The following PLSCR2 variants were observed in gnomAD, a reference collection of about 807,000 sequenced individuals.
PLSCR2 encodes PL scramblase 2.
PLSCR2 carries 18 observed loss-of-function variants against 25.3 expected under a neutral mutation model. The ratio of observed to expected loss-of-function variants is 0.71; its 90% CI spans 0.49 to 1.06. The LOEUF is 1.06. Among genes scored for constraint, PLSCR2 ranks in the 50% least tolerant of loss-of-function variants. The probability of loss-of-function intolerance (pLI) is 0.00; values close to 1 mark genes in which losing one functional copy is unlikely to be tolerated. For missense variants in PLSCR2, 243 were observed against 269.5 expected (o/e 0.90, Z 0.69); for synonymous variants, 88 against 87.3 (o/e 1.01, Z -0.04).
intron 5 of PLSCR2, among the ~76,000 whole-genome samples, chr3:146,451,107 C>CTTTTTTT (rs58373001): frequency 2.5e-5 from 2 of 79,478 alleles, no homozygotes; most frequent in African/African-American, 4.8e-5. Flanking sequence ...ATTAAGTTTT[C>CTTTTTTT]TTTTTTTTTT....
intron 1 of PLSCR2, among the ~76,000 whole-genome samples, chr3:146,485,657 C>T (rs895295062): frequency 6.6e-6 from 1 of 152,138 alleles, no homozygotes; most frequent in African/African-American, 2.4e-5. Context: ...TCACTCAAAA[C>T]CATACAGCTA....
At chr3:146,439,036 C>T (rs2040066068), downstream of PLSCR2, among the ~76,000 whole-genome samples, 1 of 152,180 alleles carries the variant, frequency 6.6e-6, no homozygotes, top group African/African-American at 2.4e-5. Flanking sequence ...ACTTATGAAG[C>T]TTAATTTGGC....
intron 3 of PLSCR2, among the ~76,000 whole-genome samples, chr3:146,393,990 T>A (rs2038187436): frequency 6.6e-6 from 1 of 152,088 alleles, no homozygotes; most frequent in Non-Finnish European, 1.5e-5. Flanking sequence ...TGTCTCTATA[T>A]TTTGAAGTTA....
intron 3 of PLSCR2, among the ~76,000 whole-genome samples, chr3:146,393,777 G>A (rs1314133706): frequency 7.4e-6 from 1 of 134,354 alleles, no homozygotes; most frequent in Non-Finnish European, 1.5e-5. Flanking sequence ...CCACTGCACT[G>A]CACTCCAGCC....
chr3:146,451,143 T>TTGCTCTTG (rs2040870128), intron 5 of PLSCR2, among the ~76,000 whole-genome samples: 1 of 147,394 alleles, frequency 6.8e-6, no homozygotes, highest in Non-Finnish European at 1.5e-5. Context: ...AGACGAAGTC[T>TTGCTCTTG]TGCTCTTGTC....
In PLSCR2 at chr3:146,441,774, ACT is replaced by A. The variant is rs765309209; in HGVS notation, c.*16_*17del. On this transcript the variant is annotated 3_prime_UTR_variant, in exon 7 of 7. Transcript: ENST00000610787. The stretch of plus-strand genomic sequence containing the variant: ...GAGACTTACATTAATCCACTCCCAC[ACT>A]CTGACATTCCAGTCATTACCTAGTT... 6.3e-6 allele frequency: 10 copies of A among 1,576,760 alleles called. No individual in the cohort carries two copies. The African/African-American group carries it at 1.4e-4, about 21-fold the overall frequency.
chr3:146,466,019 T>G (rs2041847398), intron 1 of PLSCR2, among the ~76,000 whole-genome samples: 3 of 152,166 alleles, frequency 2.0e-5, no homozygotes, highest in Admixed American at 2.0e-4. Context: ...GGTATGAGAT[T>G]GAAGTAGGGT....
At chr3:146,463,562 C>T (rs770001031), upstream of PLSCR2, among the ~76,000 whole-genome samples, 4 of 152,186 alleles carry the variant, frequency 2.6e-5, no homozygotes, top group Non-Finnish European at 5.9e-5. Context: ...GCTATCCAGT[C>T]ACTGTTTTCT....
intron 2 of PLSCR2, among the ~76,000 whole-genome samples, chr3:146,412,422 C>T (rs1395540750): frequency 6.6e-6 from 1 of 152,130 alleles, no homozygotes; most frequent in East Asian, 1.9e-4. Flanking sequence ...TTGCTCTGCA[C>T]ATCTGAAGAC....
intron 2 of PLSCR2, among the ~76,000 whole-genome samples, chr3:146,428,202 T>C (rs1198433504): frequency 3.3e-5 from 5 of 152,260 alleles, no homozygotes; most frequent in African/African-American, 1.2e-4. Flanking sequence ...GGATTATCTC[T>C]GAATTACTAC....
intron 1 of PLSCR2, among the ~76,000 whole-genome samples, chr3:146,471,339 C>T (rs1047030821): frequency 1.3e-5 from 2 of 152,112 alleles, no homozygotes; most frequent in African/African-American, 2.4e-5. Flanking sequence ...CTAAATGTTT[C>T]CTACTGTGAA....
chr3:146,464,093 A>G (rs560458464), upstream of PLSCR2: 2 of 318,080 alleles, frequency 6.3e-6, no homozygotes, highest in South Asian at 1.2e-4. Flanking sequence ...TCAGAAATCA[A>G]TGCTGTGGAC....
chr3:146,427,598 G>A lies in PLSCR2; in HGVS notation c.100+30813C>T, dbSNP rs78162553. Among the ~76,000 whole-genome samples the A allele has an allele frequency of 3.6e-3, 553 of 152,310 alleles. 1 individual carries two copies. The highest frequency in any genetic ancestry group is 0.013 in the African/African-American group (529 of 41,566). On this transcript the variant is annotated intron_variant and NMD_transcript_variant, in intron 2 of 3. Transcript: ENST00000463633. The stretch of plus-strand genomic sequence containing the variant: ...TCCAGCCACATTGCAGAGGACCGAT[G>A]TGAACTCTGTCCAAGTTCTTTCCTC...
At chr3:146,430,160 A>G (rs2039497591), downstream of PLSCR2, among the ~76,000 whole-genome samples, 1 of 152,218 alleles carries the variant, frequency 6.6e-6, no homozygotes, top group Non-Finnish European at 1.5e-5. Context: ...TAGAGCCACC[A>G]CTTGCTAGAG....
At chr3:146,485,212 C>T (rs2043297661) in intron 1 of PLSCR2, among the ~76,000 whole-genome samples, 1 of 151,764 alleles carries the variant, frequency 6.6e-6, no homozygotes, top group African/African-American at 2.4e-5. Flanking sequence ...GAGGACATTA[C>T]ATAATGGTAA....
At chr3:146,443,489 A>C (rs2040371095) in intron 6 of PLSCR2, among the ~76,000 whole-genome samples, 1 of 151,978 alleles carries the variant, frequency 6.6e-6, no homozygotes, top group South Asian at 2.1e-4. Context: ...CAGTCTCGGT[A>C]GACAATATGT....
intron 1 of PLSCR2, among the ~76,000 whole-genome samples, chr3:146,490,244 C>A (rs1394081831): frequency 6.6e-6 from 1 of 152,056 alleles, no homozygotes; most frequent in African/African-American, 2.4e-5. Flanking sequence ...AGAGGAACCA[C>A]CATTTGGAGG....
chr3:146,435,554 G>C (rs1204164500), intron 8 of PLSCR2, among the ~76,000 whole-genome samples: 1 of 152,152 alleles, frequency 6.6e-6, no homozygotes, highest in Non-Finnish European at 1.5e-5. Flanking sequence ...GTGTCTGTTG[G>C]CTGCATAAAT....
chr3:146,469,631 G>A (rs912721915), intron 1 of PLSCR2, 70 bp from the exon 1 acceptor site: 1 of 924,514 alleles, frequency 1.1e-6, no homozygotes, highest in Admixed American at 6.2e-5. Flanking sequence ...GCCTGGACCA[G>A]CCTCAGAGTC....
Sources: allele counts gnomAD v4.1 joint callset (sites outside exome capture counted in the v4.1 genomes callset), GRCh38; gene constraint gnomAD v4.1.1; transcripts MANE v1.5; gene names NCBI Gene and HGNC (gene_info 2026-07-23, HGNC 2026-07-21).